ARIH2: variants seen among roughly 807,000 people sequenced by gnomAD.
The protein encoded by ARIH2 is ariadne RBR E3 ubiquitin protein ligase 2, also known as E3 ubiquitin-protein ligase ARIH2.
ARIH2 carries 12 observed loss-of-function variants against 79.8 expected under a neutral mutation model. That is an observed-to-expected ratio of 0.15 (90% CI 0.10 to 0.24). The LOEUF is 0.24. ARIH2 is among the 10% of genes least tolerant of loss of function. The probability of loss-of-function intolerance (pLI) is 1.00; values close to 1 mark genes in which losing one functional copy is unlikely to be tolerated. For synonymous variants in ARIH2, 224 were observed against 213.9 expected, an observed-to-expected ratio of 1.05 and a Z score of -0.41; for missense variants, 301 against 618.3, an observed-to-expected ratio of 0.49 and a Z score of 5.44.
intron 11 of ARIH2, among the ~76,000 whole-genome samples, chr3:48,977,942 T>C (rs781562896): frequency 1.3e-5 from 2 of 152,030 alleles, no homozygotes; most frequent in Non-Finnish European, 2.9e-5. Context: ...AGCCAAGTTA[T>C]CCCTGGAGAG....
At chr3:48,973,545 C>G (rs2092354307) in intron 8 of ARIH2, 154 bp from the exon 9 acceptor site, 1 of 539,466 alleles carries the variant, frequency 1.9e-6, no homozygotes, top group Non-Finnish European at 3.3e-6. Flanking sequence ...CCACTACACT[C>G]CAGCCTGGCG....
At chr3:48,939,777 C>CAAAAAAAAAAAAAAAAAAAAAAAAAAAA (rs1433918663) in intron 3 of ARIH2, among the ~76,000 whole-genome samples, 1 of 127,552 alleles carries the variant, frequency 7.8e-6, no homozygotes, top group Non-Finnish European at 1.7e-5. Context: ...AAAAAAAAAA[C>CAAAAAAAAAAAAAAAAAAAAAAAAAAAA]AAAAACAAAA....
Position 48,942,944 on chromosome 3 carries a change from C to T in ARIH2, c.255+15131C>T, listed in dbSNP as rs1292290998. Among the ~76,000 whole-genome samples, 3 of 151,970 alleles carry T rather than the reference C, an allele frequency of 2.0e-5. No individual in the cohort carries two copies. In the East Asian group the frequency reaches 5.8e-4, roughly 29 times the overall value. ...GGAATTACAGGAGTGAGTCACCGTG[C>T]CTGGCCCTAATTTTTGTATTTATGG... On this transcript the variant is annotated intron_variant, in intron 3 of 15. Transcript: ENST00000356401.
At chr3:48,980,882 A>G (rs2092719258) in intron 13 of ARIH2, among the ~76,000 whole-genome samples, 1 of 151,042 alleles carries the variant, frequency 6.6e-6, no homozygotes, top group South Asian at 2.1e-4. Context: ...TTAGCTGGGC[A>G]TGGTGGTGCA....
In ARIH2 at chr3:48,983,261, T is replaced by G. The variant is rs1186572296; in HGVS notation, c.1473T>G (p.His491Gln). The G allele has an allele frequency of 6.2e-7, 1 of 1,614,074 alleles. No individual in the cohort carries two copies. The highest frequency in any genetic ancestry group is 1.3e-5 in the African/African-American group (1 of 74,932). The change falls in exon 16 of 16, where the codon CAT (histidine) becomes CAG (glutamine). Residue 491 changes from histidine (H) to glutamine (Q), a missense_variant. Physicochemically the swap from His to Gln is conservative, Grantham distance 24 (BLOSUM62 0). Coordinates refer to ENST00000356401, the MANE Select transcript of ARIH2 (RefSeq NM_006321.4). The part of the protein sequence containing the change: ...QRRRTLLKDF[H>Q]DT ...GGAGAACCCTGCTGAAAGATTTCCA[T>G]GACACCTAAGTTGGGATGTGGATGT...
chr3:48,986,214 G>A lies in ARIH2; in HGVS notation c.*2944G>A, dbSNP rs1362008028. On this transcript the variant is annotated 3_prime_UTR_variant, in exon 16 of 16. Coordinates refer to ENST00000356401, the MANE Select transcript of ARIH2 (RefSeq NM_006321.4). ...GCAGCTCTTCCTCTGGACCTCAGGT[G>A]TGCCAAGCCCCACGCTTGGCACCTG... 1 of 152,230 alleles carries A rather than the reference G, an allele frequency of 6.6e-6. No individual in the cohort carries two copies. The highest frequency in any genetic ancestry group is 1.5e-5 in the Non-Finnish European group (1 of 68,048). 9.4% of individuals were successfully genotyped at this position (152,230 alleles called of 1,614,324 possible).
intron 3 of ARIH2, among the ~76,000 whole-genome samples, chr3:48,953,547 G>T (rs1483671552): frequency 6.6e-6 from 1 of 152,054 alleles, no homozygotes; most frequent in African/African-American, 2.4e-5. Context: ...GGAACTACAG[G>T]TGCCTCACAA....
intron 3 of ARIH2, among the ~76,000 whole-genome samples, chr3:48,958,175 A>G (rs1191147523): frequency 6.6e-6 from 1 of 152,142 alleles, no homozygotes; most frequent in Non-Finnish European, 1.5e-5. Context: ...CAACAAATCA[A>G]CTGGGAGTGG....
At chr3:48,941,033 G>A (rs1197997190) in intron 3 of ARIH2, among the ~76,000 whole-genome samples, 1 of 150,784 alleles carries the variant, frequency 6.6e-6, no homozygotes, top group Non-Finnish European at 1.5e-5. Flanking sequence ...TTAGCCGGGC[G>A]TGGTAGCAGG....
intron 3 of ARIH2, 97 bp from the exon 4 acceptor site, chr3:48,961,515 T>A: frequency 2.9e-6 from 2 of 678,672 alleles, no homozygotes; most frequent in East Asian, 5.5e-5. Flanking sequence ...AGCCTGGGCT[T>A]GGCATAATAG....
At chr3:48,919,210 C>G (rs1025841652) in intron 1 of ARIH2, 2 of 1,276,310 alleles carry the variant, frequency 1.6e-6, no homozygotes, top group Non-Finnish European at 2.0e-6. Flanking sequence ...CCGCCGCCTT[C>G]TCAGCTCTCG....
intron 3 of ARIH2, among the ~76,000 whole-genome samples, chr3:48,933,132 A>G (rs1468808956): frequency 1.3e-5 from 2 of 152,206 alleles, no homozygotes; most frequent in African/African-American, 2.4e-5. Context: ...GTTGGAGTGC[A>G]GTGGCACGAT....
At chr3:48,965,277 G>T (rs578042109) in intron 5 of ARIH2, among the ~76,000 whole-genome samples, 1 of 152,032 alleles carries the variant, frequency 6.6e-6, no homozygotes, top group South Asian at 2.1e-4. Flanking sequence ...GGAGAAAGGC[G>T]TGAACCCGGG....
chr3:48,943,692 A>G (rs1162890491), intron 3 of ARIH2, among the ~76,000 whole-genome samples: 2 of 152,172 alleles, frequency 1.3e-5, no homozygotes, highest in African/African-American at 4.8e-5. Context: ...GTAGCTAAGG[A>G]AAGCAGTCGA....
intron 3 of ARIH2, 177 bp downstream of exon 3, chr3:48,927,990 C>T: frequency 1.3e-6 from 1 of 759,136 alleles, no homozygotes; most frequent in Non-Finnish European, 2.1e-6. Flanking sequence ...CTAATATATG[C>T]ATGTCTAAGG....
chr3:48,980,397 C>T lies in ARIH2; in HGVS notation c.1158C>T (p.Tyr386=). 1.9e-6 allele frequency: 3 copies of T among 1,614,100 alleles called. No individual in the cohort carries two copies. The highest frequency in any genetic ancestry group is 2.5e-6 in the Non-Finnish European group (3 of 1,180,014). Residue 386 remains tyrosine, a synonymous_variant, in exon 13 of 16, where the codon TAC becomes TAT. Coordinates refer to ENST00000356401, the MANE Select transcript of ARIH2 (RefSeq NM_006321.4). ...GCTTGCAGCTAGAGGCACAGACATA[C>T]CAGCGGATTCACGAGAAGATTCAGG... ...NKSLQLEAQT[Y]QRIHEKIQER...
rs116027909 is a variant in ARIH2 at position 48,971,752 on chromosome 3, T to C, written c.770+1048T>C. ...ATTGACACCAAAGGTTAAGAATCACTAATGCAGTGGTTCTTTCATTTTAAA... is the reference window on the plus strand; with the variant it reads ...ATTGACACCAAAGGTTAAGAATCACCAATGCAGTGGTTCTTTCATTTTAAA... On this transcript the variant is annotated intron_variant, in intron 8 of 15. Coordinates refer to ENST00000356401, the MANE Select transcript of ARIH2 (RefSeq NM_006321.4). Among the ~76,000 whole-genome samples the C allele has an allele frequency of 7.8e-3, 1,193 of 152,322 alleles. 11 individuals are homozygous for C. Among genetic ancestry groups the C allele is most frequent in the African/African-American group, 0.027 (1,135 of 41,566 alleles).
intron 3 of ARIH2, among the ~76,000 whole-genome samples, chr3:48,929,906 G>GAGA: frequency 6.6e-6 from 1 of 152,304 alleles, no homozygotes; most frequent in African/African-American, 2.4e-5. Flanking sequence ...CTTTAAGACT[G>GAGA]AGAAGAGTAA....
At chr3:48,976,211 C>G (rs1366943463) in intron 11 of ARIH2, among the ~76,000 whole-genome samples, 2 of 136,342 alleles carry the variant, frequency 1.5e-5, no homozygotes, top group Non-Finnish European at 1.6e-5. Context: ...CGAGCCTGTA[C>G]TTTTTTTTTT....
Sources: allele counts gnomAD v4.1 joint callset (sites outside exome capture counted in the v4.1 genomes callset), GRCh38; gene constraint gnomAD v4.1.1; transcripts MANE v1.5; gene names NCBI Gene and HGNC (gene_info 2026-07-23, HGNC 2026-07-21).